PTPRT: variants seen among roughly 807,000 people sequenced by gnomAD.
PTPRT encodes the protein protein tyrosine phosphatase receptor type T.
PTPRT carries 56 observed loss-of-function variants against 176.8 expected under a neutral mutation model. The observed-to-expected ratio is 0.32, with a 90% CI of 0.26 to 0.40. The LOEUF (loss-of-function observed/expected upper bound fraction) is 0.40. PTPRT is among the 10% of genes least tolerant of loss of function. The pLI is 1.00. For missense variants in PTPRT, 1,540 were observed against 1,908.2 expected, an observed-to-expected ratio of 0.81 and a Z score of 3.60; for synonymous variants, 783 against 739.0, an observed-to-expected ratio of 1.06 and a Z score of -0.96.
At chr20:42,311,683 CT>C (rs1420357511) in intron 12 of PTPRT, among the ~76,000 whole-genome samples, 2 of 151,712 alleles carry the variant, frequency 1.3e-5, no homozygotes, top group Non-Finnish European at 2.9e-5. Context: ...CAAAACAACA[CT>C]TTTTTACCCC....
intron 1 of PTPRT, among the ~76,000 whole-genome samples, chr20:42,987,385 T>C (rs1485660874): frequency 6.6e-6 from 1 of 152,210 alleles, no homozygotes; most frequent in Non-Finnish European, 1.5e-5. Flanking sequence ...GGTTGGTGGC[T>C]ATGGTGGTCG....
At chr20:42,892,637 G>A (rs1001310473) in intron 1 of PTPRT, among the ~76,000 whole-genome samples, 8 of 152,086 alleles carry the variant, frequency 5.3e-5, no homozygotes, top group African/African-American at 1.2e-4. Flanking sequence ...ATGAGGATAC[G>A]CAGAAACACC....
intron 2 of PTPRT, among the ~76,000 whole-genome samples, chr20:42,796,533 C>T (rs1039372090): frequency 7.9e-5 from 12 of 152,318 alleles, no homozygotes; most frequent in East Asian, 5.8e-4. Flanking sequence ...TCAGATTTTC[C>T]GACTCCGATT....
At chr20:42,394,523 C>T (rs549804648) in intron 9 of PTPRT, among the ~76,000 whole-genome samples, 1 of 152,156 alleles carries the variant, frequency 6.6e-6, no homozygotes, top group East Asian at 1.9e-4. Context: ...AGCCCACACA[C>T]TGGGGTTGAC....
intron 7 of PTPRT, among the ~76,000 whole-genome samples, chr20:42,647,262 T>A (rs2074927536): frequency 6.6e-6 from 1 of 152,052 alleles, no homozygotes. Flanking sequence ...TTGCCATTCT[T>A]GTGATGAGAG....
At chr20:42,251,764 A>G (rs1194755978) in intron 13 of PTPRT, among the ~76,000 whole-genome samples, 5 of 152,114 alleles carry the variant, frequency 3.3e-5, no homozygotes, top group African/African-American at 1.2e-4. Flanking sequence ...AGGGCAAGAA[A>G]GCAAGGAGGG....
intron 1 of PTPRT, among the ~76,000 whole-genome samples, chr20:43,181,433 C>T (rs1600777684): frequency 6.6e-6 from 1 of 152,228 alleles, no homozygotes; most frequent in Non-Finnish European, 1.5e-5. Flanking sequence ...ACAGCCGGGA[C>T]CTGACTCTGG....
Position 42,393,911 on chromosome 20 carries a change from G to C in PTPRT, c.1561-41626C>G, listed in dbSNP as rs992519271. 2.0e-5 allele frequency among the ~76,000 whole-genome samples: 3 copies of C among 152,252 alleles called. No homozygotes were observed. The South Asian group carries it at 6.2e-4, about 32-fold the overall frequency. The stretch of plus-strand genomic sequence containing the variant: ...GGGTAGATATCAACAGAATTGCATG[G>C]AAGAGTCAGGGAAGACTACGGCTTC... On this transcript the variant is annotated intron_variant, in intron 9 of 30. Coordinates refer to ENST00000373187, the MANE Select transcript of PTPRT (RefSeq NM_007050.6).
intron 1 of PTPRT, among the ~76,000 whole-genome samples, chr20:43,032,612 C>T (rs761223824): frequency 2.6e-5 from 4 of 152,058 alleles, no homozygotes; most frequent in Non-Finnish European, 5.9e-5. Flanking sequence ...AAAGCTAATG[C>T]CTCTGTAGTT....
At chr20:42,138,624 T>G (rs1348314128) in intron 18 of PTPRT, among the ~76,000 whole-genome samples, 2 of 152,186 alleles carry the variant, frequency 1.3e-5, no homozygotes, top group Admixed American at 6.5e-5. Context: ...AAACTTTACA[T>G]GGAGAATGCT....
At position 42,234,210 on chromosome 20, in the gene PTPRT, T is replaced by C. The variant is rs539179803; in HGVS notation, c.2342+2019A>G. Among the ~76,000 whole-genome samples the C allele has an allele frequency of 4.6e-5, 7 of 152,362 alleles. No individual in the cohort carries two copies. In the South Asian group the frequency reaches 8.3e-4, roughly 18 times the overall value. ...GGAAATAAAGAAAACTAATATTTCATGAGTGTCAACTTTGTGCCAGGCACT... is the reference window on the plus strand; with the variant it reads ...GGAAATAAAGAAAACTAATATTTCACGAGTGTCAACTTTGTGCCAGGCACT... On this transcript the variant is annotated intron_variant, in intron 15 of 30. Coordinates refer to ENST00000373187, the MANE Select transcript of PTPRT (RefSeq NM_007050.6).
intron 1 of PTPRT, among the ~76,000 whole-genome samples, chr20:43,027,911 G>C (rs1985981453): frequency 6.6e-6 from 1 of 152,126 alleles, no homozygotes; most frequent in African/African-American, 2.4e-5. Context: ...CCCTTTCTGA[G>C]CTTCCAAAGA....
intron 8 of PTPRT, among the ~76,000 whole-genome samples, chr20:42,452,052 C>A (rs62203505): frequency 6.6e-6 from 1 of 151,966 alleles, no homozygotes; most frequent in African/African-American, 2.4e-5. Flanking sequence ...GGGCAGATCA[C>A]GAGATCAAGA....
intron 13 of PTPRT, among the ~76,000 whole-genome samples, chr20:42,271,676 G>A (rs777739930): frequency 1.3e-5 from 2 of 152,166 alleles, no homozygotes; most frequent in Non-Finnish European, 2.9e-5. Context: ...ACTGGTAAAG[G>A]TTGTATTCAA....
At chr20:42,848,863 G>A (rs557100864) in intron 2 of PTPRT, among the ~76,000 whole-genome samples, 5 of 152,194 alleles carry the variant, frequency 3.3e-5, no homozygotes, top group African/African-American at 1.2e-4. Flanking sequence ...TTGCTTTTGG[G>A]TTCTTGGTCA....
In PTPRT at chr20:42,891,762, C is replaced by G. The variant is rs373089539; in HGVS notation, c.89-5830G>C. ...AGGAACTAAAAGATTCGTTGGGCTC[C>G]CACTGTGTGCCAGGCACTGTATTTG... On this transcript the variant is annotated intron_variant, in intron 1 of 30. Coordinates refer to ENST00000373187, the MANE Select transcript of PTPRT (RefSeq NM_007050.6). 3.4e-4 allele frequency among the ~76,000 whole-genome samples: 51 copies of G among 152,220 alleles called. 2 individuals carry two copies. The South Asian group carries it at 0.011, about 32-fold the overall frequency.
In PTPRT at chr20:42,598,354, A is replaced by G. The variant is rs541681231; in HGVS notation, c.1153+79512T>C. ...TTCTGTGTAGTTTTTATGGTGTGAA[A>G]CTTTTTGAAATAGCTGTGTATTCCT... On this transcript the variant is annotated intron_variant, in intron 7 of 30. Coordinates refer to ENST00000373187, the MANE Select transcript of PTPRT (RefSeq NM_007050.6). 5.9e-5 allele frequency among the ~76,000 whole-genome samples: 9 copies of G among 152,286 alleles called. No individual in the cohort carries two copies. In the South Asian group the frequency reaches 1.9e-3, roughly 32 times the overall value.
At chr20:42,314,486 A>C (rs1423049159) in intron 12 of PTPRT, among the ~76,000 whole-genome samples, 2 of 149,832 alleles carry the variant, frequency 1.3e-5, no homozygotes, top group African/African-American at 4.9e-5. Flanking sequence ...CCAAGATCGC[A>C]CCACTGCACT....
chr20:42,069,138 A>T (rs138600854), downstream of PTPRT, among the ~76,000 whole-genome samples: 61 of 152,326 alleles, frequency 4.0e-4, no homozygotes, highest in African/African-American at 1.4e-3. Context: ...GAAACCCTAC[A>T]TCTGGCTTAG....
Sources: allele counts gnomAD v4.1 joint callset (sites outside exome capture counted in the v4.1 genomes callset), GRCh38; gene constraint gnomAD v4.1.1; transcripts MANE v1.5; gene names NCBI Gene and HGNC (gene_info 2026-07-23, HGNC 2026-07-21).